The following RAB31 variants were observed in gnomAD, a reference collection of about 807,000 sequenced individuals.
The protein encoded by RAB31 is ras-related protein Rab-31.
Under a neutral mutation model 25.6 loss-of-function variants are expected in RAB31, and 21 were observed. That is an observed-to-expected ratio of 0.82 (90% CI 0.58 to 1.18). The LOEUF is 1.18. Ranked by LOEUF, RAB31 falls within the 50% of genes most tolerant of loss-of-function variation. The pLI, the probability that RAB31 is intolerant of heterozygous loss-of-function variation, is 0.00. For synonymous variants in RAB31, 87 were observed against 84.0 expected (o/e 1.04, Z -0.20); for missense variants, 196 against 250.1 (o/e 0.78, Z 1.46).
chr18:9,792,134 T>C lies in RAB31; in HGVS notation c.120-20T>C, dbSNP rs369570661. 59 of 1,600,346 alleles carry C rather than the reference T, an allele frequency of 3.7e-5. No homozygotes were observed. In the Middle Eastern group the frequency reaches 1.8e-3, roughly 49 times the overall value. The stretch of plus-strand genomic sequence containing the variant: ...AAGAAACAATGCAGTAATGTGGAGA[T>C]GCTGACTCTCTTTTTTCAGGGCATC... On this transcript the variant is annotated intron_variant, in intron 2 of 6. Coordinates refer to ENST00000578921, the MANE Select transcript of RAB31 (RefSeq NM_006868.4).
intron 5 of RAB31, among the ~76,000 whole-genome samples, chr18:9,822,056 A>G (rs2068626894): frequency 6.6e-6 from 1 of 152,222 alleles, no homozygotes; most frequent in African/African-American, 2.4e-5. Flanking sequence ...TTCTATATGA[A>G]GGCTTACCAT....
intron 1 of RAB31, among the ~76,000 whole-genome samples, chr18:9,771,967 C>G (rs2068347513): frequency 6.6e-6 from 1 of 152,220 alleles, no homozygotes; most frequent in Non-Finnish European, 1.5e-5. Flanking sequence ...TAAATTTGAG[C>G]AGACTTGCTG....
chr18:9,747,111 G>A (rs553451567), intron 1 of RAB31, among the ~76,000 whole-genome samples: 2 of 152,296 alleles, frequency 1.3e-5, no homozygotes, highest in African/African-American at 4.8e-5. Context: ...GATTTGAATA[G>A]ACCTTCTCCA....
At chr18:9,794,613 G>A (rs1013117130) in intron 3 of RAB31, among the ~76,000 whole-genome samples, 3 of 152,090 alleles carry the variant, frequency 2.0e-5, no homozygotes, top group African/African-American at 7.2e-5. Context: ...TCAGGAGTTC[G>A]AGACCAGCCT....
chr18:9,809,038 G>A (rs1308046751), intron 3 of RAB31, among the ~76,000 whole-genome samples: 11 of 152,198 alleles, frequency 7.2e-5, no homozygotes, highest in Non-Finnish European at 1.2e-4. Flanking sequence ...TGCTGCTGAG[G>A]GGTGTGTGTG....
intron 1 of RAB31, among the ~76,000 whole-genome samples, chr18:9,723,327 C>T (rs113126866): frequency 0.026 from 3,940 of 152,176 alleles, 87 homozygotes; most frequent in Middle Eastern, 0.095. Flanking sequence ...GGATTACAGG[C>T]GTGAGCCACC....
chr18:9,855,517 A>G (rs1396683896), intron 6 of RAB31, among the ~76,000 whole-genome samples: 2 of 152,214 alleles, frequency 1.3e-5, no homozygotes, highest in Non-Finnish European at 2.9e-5. Context: ...TGGTACAGAA[A>G]GCCATGGCCA....
intron 1 of RAB31, among the ~76,000 whole-genome samples, chr18:9,737,964 C>T (rs2068158893): frequency 6.6e-6 from 1 of 152,220 alleles, no homozygotes; most frequent in South Asian, 2.1e-4. Context: ...TTACCAACAA[C>T]GTGGTCCTGG....
rs868293588 is a variant in RAB31 at position 9,845,593 on chromosome 18, T to C, written c.392T>C (p.Leu131Pro). Residue 131 changes from leucine (L) to proline (P), a missense_variant, in exon 6 of 7, where the codon CTG becomes CCG. Coordinates refer to ENST00000578921, the MANE Select transcript of RAB31 (RefSeq NM_006868.4). Reference protein sequence around the residue: ...CDLSDIREVPLKDAKEYAESI... With the variant: ...CDLSDIREVPPKDAKEYAESI... ...GACCTCTTTTCCAGGGAGGTTCCCCTGAAGGATGCTAAGGAATACGCTGAA... is the reference window on the plus strand; with the variant it reads ...GACCTCTTTTCCAGGGAGGTTCCCCCGAAGGATGCTAAGGAATACGCTGAA... 1 of 1,545,072 alleles carries C rather than the reference T, an allele frequency of 6.5e-7. No homozygotes were observed. Among genetic ancestry groups the C allele is most frequent in the Non-Finnish European group, 8.7e-7 (1 of 1,147,596 alleles).
chr18:9,713,925 AG>A (rs2068030956), intron 1 of RAB31, among the ~76,000 whole-genome samples: 1 of 152,182 alleles, frequency 6.6e-6, no homozygotes, highest in South Asian at 2.1e-4. Flanking sequence ...CCATTCATGA[AG>A]GCTCTACCCT....
intron 5 of RAB31, among the ~76,000 whole-genome samples, chr18:9,819,260 C>G (rs992588702): frequency 2.6e-5 from 4 of 152,232 alleles, no homozygotes; most frequent in Admixed American, 2.0e-4. Flanking sequence ...ATGTAAGATA[C>G]GGGTCCAAAT....
intron 1 of RAB31, chr18:9,722,852 G>A (rs765193980): frequency 2.0e-5 from 3 of 152,190 alleles, no homozygotes; most frequent in Non-Finnish European, 4.4e-5. Context: ...GAAGATGGAG[G>A]TATGTTCTCA....
In RAB31 at chr18:9,717,126, C is replaced by G. The variant is rs2068048758; in HGVS notation, c.39+8682C>G. On this transcript the variant is annotated intron_variant, in intron 1 of 6. Coordinates refer to ENST00000578921, the MANE Select transcript of RAB31 (RefSeq NM_006868.4). Reference sequence around the variant, plus strand: ...ACAGGGTCTTACTCTGTCATCCAGGCTGGAGTGCAATGGTGCGATCACAGC... The same window carrying G: ...ACAGGGTCTTACTCTGTCATCCAGGGTGGAGTGCAATGGTGCGATCACAGC... 2.0e-5 allele frequency among the ~76,000 whole-genome samples: 3 copies of G among 151,984 alleles called. No individual in the cohort carries two copies. The South Asian group carries it at 6.2e-4, about 32-fold the overall frequency.
intron 6 of RAB31, among the ~76,000 whole-genome samples, chr18:9,851,159 A>C (rs2068787541): frequency 6.6e-6 from 1 of 152,150 alleles, no homozygotes; most frequent in African/African-American, 2.4e-5. Flanking sequence ...GGAAAGGACA[A>C]AGACAAAGTT....
At chr18:9,729,409 C>G (rs756979621) in intron 1 of RAB31, among the ~76,000 whole-genome samples, 5 of 151,898 alleles carry the variant, frequency 3.3e-5, no homozygotes, top group Non-Finnish European at 7.4e-5. Flanking sequence ...CACCTGTAGT[C>G]CCAGCTACTC....
chr18:9,860,730 CCTT>C lies in RAB31; in HGVS notation c.*1409_*1411del, dbSNP rs1213203744. Reference sequence around the variant, plus strand: ...GTGTGCTAGCCAGGGCCAGCTGGTACCTTCTTTGCCATGAGCATTCAAGGGACG... The same window carrying C: ...GTGTGCTAGCCAGGGCCAGCTGGTACCTTTGCCATGAGCATTCAAGGGACG... On this transcript the variant is annotated 3_prime_UTR_variant, in exon 7 of 7. Transcript: ENST00000578921. 5 of 152,178 alleles carry C rather than the reference CCTT, an allele frequency of 3.3e-5. No individual in the cohort carries two copies. The highest frequency in any genetic ancestry group is 7.3e-5 in the Non-Finnish European group (5 of 68,050). The allele number at this position is 152,178 out of a possible 1,614,324, so 9.4% of individuals were successfully genotyped here.
At position 9,792,093 on chromosome 18, in the gene RAB31, T is replaced by G; in HGVS notation, c.120-61T>G. ...GAGGTGTAGCATTTAACTTGTTTGA[T>G]TTGTGAATCTTTGTGAAGAAACAAT... On this transcript the variant is annotated intron_variant, in intron 2 of 6. Transcript: ENST00000578921. The G allele has an allele frequency of 7.1e-6, 11 of 1,548,096 alleles. No homozygotes were observed. The South Asian group carries it at 1.2e-4, about 17-fold the overall frequency.
intron 2 of RAB31, chr18:9,787,278 G>A: frequency 4.6e-6 from 1 of 217,192 alleles, no homozygotes; most frequent in Admixed American, 4.2e-5. Context: ...TGAAATGAGT[G>A]TGGCAAAACC....
At chr18:9,737,872 C>T (rs1231818539) in intron 1 of RAB31, among the ~76,000 whole-genome samples, 1 of 152,178 alleles carries the variant, frequency 6.6e-6, no homozygotes, top group South Asian at 2.1e-4. Flanking sequence ...TACCCCACCC[C>T]CTTCTGCTTT....
Sources: allele counts gnomAD v4.1 joint callset (sites outside exome capture counted in the v4.1 genomes callset), GRCh38; gene constraint gnomAD v4.1.1; transcripts MANE v1.5; gene names NCBI Gene and HGNC (gene_info 2026-07-23, HGNC 2026-07-21).